HMCN1: variants seen among roughly 807,000 people sequenced by gnomAD.
HMCN1 encodes hemicentin-1.
In HMCN1, 321 loss-of-function variants were observed where a neutral mutation model predicts 625.9. That is an observed-to-expected ratio of 0.51 (90% CI 0.47 to 0.56). The LOEUF (loss-of-function observed/expected upper bound fraction) is 0.56. Among genes scored for constraint, HMCN1 ranks in the 20% least tolerant of loss-of-function variants. The pLI is 0.00. For synonymous variants in HMCN1, 2,425 were observed against 2,417.6 expected (o/e 1.00, Z -0.09); for missense variants, 6,588 against 6,887.3 (o/e 0.96, Z 1.54).
At chr1:186,040,831 TC>T (rs147806701) in intron 39 of HMCN1, among the ~76,000 whole-genome samples, 181 bp from the exon 40 acceptor site, 5,444 of 152,166 alleles carry the variant, frequency 0.036, 321 homozygotes, top group African/African-American at 0.12. Context: ...CCTCTTAACA[TC>T]CTTCCACTGA....
chr1:185,981,166 AC>A, intron 17 of HMCN1, 93 bp downstream of exon 17: 2 of 811,830 alleles, frequency 2.5e-6, no homozygotes, highest in Non-Finnish European at 2.2e-6. Context: ...TTAAAAAAAA[AC>A]AAAAGATAAA....
At chr1:186,028,479 C>T (rs4651290) in intron 36 of HMCN1, among the ~76,000 whole-genome samples, 98,338 of 152,044 alleles carry the variant, frequency 0.65, 33,432 homozygotes, top group African/African-American at 0.88. Flanking sequence ...GCTTTTAAAA[C>T]ATTTTTATAT....
chr1:185,922,541 C>G, intron 7 of HMCN1, 42 bp downstream of exon 7: 1 of 1,526,368 alleles, frequency 6.6e-7, no homozygotes. Flanking sequence ...AATAGATATC[C>G]AAATGAAAAA....
At chr1:185,749,579 C>T (rs144562215) in intron 1 of HMCN1, among the ~76,000 whole-genome samples, 32 of 152,250 alleles carry the variant, frequency 2.1e-4, no homozygotes, top group Non-Finnish European at 4.1e-4. Flanking sequence ...GGGACAAGGC[C>T]CTTTGAGATC....
chr1:185,843,831 G>A (rs1255400904), intron 1 of HMCN1, among the ~76,000 whole-genome samples: 1 of 152,046 alleles, frequency 6.6e-6, no homozygotes, highest in African/African-American at 2.4e-5. Context: ...TCCTATCTTT[G>A]TTGAAAACAG....
chr1:185,778,009 G>A, intron 1 of HMCN1, among the ~76,000 whole-genome samples: 1 of 152,182 alleles, frequency 6.6e-6, no homozygotes, highest in South Asian at 2.1e-4. Context: ...TTTGCCTAAA[G>A]GCCATTGAAA....
intron 11 of HMCN1, among the ~76,000 whole-genome samples, chr1:185,936,874 AG>A (rs2102502345): frequency 6.6e-6 from 1 of 152,328 alleles, no homozygotes; most frequent in South Asian, 2.1e-4. Flanking sequence ...AGAGCTGAAA[AG>A]GGGGTTCAGC....
intron 24 of HMCN1, among the ~76,000 whole-genome samples, chr1:185,995,990 G>T (rs950539032): frequency 6.6e-6 from 1 of 152,122 alleles, no homozygotes; most frequent in African/African-American, 2.4e-5. Flanking sequence ...TAAGGTACCT[G>T]GCCCATTGTA....
rs1650199825 is a variant in HMCN1 at position 185,963,764 on chromosome 1, A to G, written c.1971-4A>G. On this transcript the variant is annotated splice_polypyrimidine_tract_variant and splice_region_variant and intron_variant, in intron 12 of 106. Transcript: ENST00000271588. ...TTTATATTCTTTTTGTTTTTTATTC[A>G]TAGGTATAGGATGACCTCAGATGGT... The G allele has an allele frequency of 6.3e-7, 1 of 1,590,918 alleles. No homozygotes were observed. Among genetic ancestry groups the G allele is most frequent in the East Asian group, 2.2e-5 (1 of 44,634 alleles).
Position 186,129,984 on chromosome 1 carries a change from A to G in HMCN1, c.12923A>G (p.Asn4308Ser). The change falls in exon 84 of 107, where the codon AAT becomes AGT. Residue 4308 changes from asparagine (N) to serine (S), a missense_variant. Asn to Ser is a conservative substitution (Grantham distance 46). This residue lies in a region of HMCN1 where 1,954 missense variants were observed against 2,013.1 expected (regional missense o/e 0.97). Transcript: ENST00000271588. ...NIIPAHFDSV[N>S]GHSELVIERV... The stretch of plus-strand genomic sequence containing the variant: ...CCCTCAGCCCACTTTGACAGTGTGA[A>G]TGGACACAGTGAACTTGTTATTGAA... 1 of 1,613,054 alleles carries G rather than the reference A, an allele frequency of 6.2e-7. No homozygotes were observed.
Position 185,965,844 on chromosome 1 carries a change from C to T in HMCN1, c.2141C>T (p.Ala714Val), listed in dbSNP as rs1278238526. 6 of 1,612,514 alleles carry T rather than the reference C, an allele frequency of 3.7e-6. No individual in the cohort carries two copies. Among genetic ancestry groups the T allele is most frequent in the Non-Finnish European group, 1.7e-6 (2 of 1,178,852 alleles). Residue 714 changes from alanine to valine, a missense_variant, in exon 14 of 107, where the codon GCC (alanine) becomes GTC (valine). Ala to Val is a moderately conservative substitution (Grantham distance 64). Around this residue, in one of 3 missense-constraint regions of HMCN1, gnomAD observed 4,628 missense variants for 4,853.1 expected, o/e 0.95. Coordinates refer to ENST00000271588, the MANE Select transcript of HMCN1 (RefSeq NM_031935.3). ...GTAGTTCAGAGTGAGCTCTTGGTTG[C>T]CCTTGGGGATATAACCGTTATGGAA... ...LMVVQSELLV[A>V]LGDITVMECK... is the part of the protein sequence containing the mutation.
At position 185,880,972 on chromosome 1, in the gene HMCN1, T is replaced by C. The variant is rs114537775; in HGVS notation, c.621+15109T>C. 7.5e-3 allele frequency among the ~76,000 whole-genome samples: 1,136 copies of C among 152,330 alleles called. 8 individuals carry two copies. Among genetic ancestry groups the C allele is most frequent in the African/African-American group, 0.026 (1,086 of 41,582 alleles). ...TGTGCAGGAGCCAGAGCGAGTGCTT[T>C]TGGGCACCAGCAGGAGCAAAATCTT... is the stretch of plus-strand genomic sequence containing the variant. On this transcript the variant is annotated intron_variant, in intron 4 of 106. Transcript: ENST00000271588.
chr1:185,870,743 A>G (rs1167969834), intron 4 of HMCN1, among the ~76,000 whole-genome samples: 3 of 152,198 alleles, frequency 2.0e-5, no homozygotes, highest in Non-Finnish European at 4.4e-5. Flanking sequence ...CAAATGTACA[A>G]TTAAGCAATA....
At chr1:185,894,076 A>C (rs1033478024) in intron 4 of HMCN1, among the ~76,000 whole-genome samples, 17 of 152,130 alleles carry the variant, frequency 1.1e-4, no homozygotes. Context: ...CAGAGCTTGC[A>C]GTGAGCCAAG....
chr1:186,160,488 T>C (rs1651382136), intron 97 of HMCN1, among the ~76,000 whole-genome samples: 1 of 151,068 alleles, frequency 6.6e-6, no homozygotes, highest in African/African-American at 2.4e-5. Context: ...GCTCTTGCTT[T>C]TCTAATTCTT....
Position 186,044,115 on chromosome 1 carries a change from G to A in HMCN1, c.6305-1573G>A, listed in dbSNP as rs140614395. On this transcript the variant is annotated intron_variant, in intron 40 of 106. Transcript: ENST00000271588. Reference sequence around the variant, plus strand: ...AAAAGGAAAGAAAGTGGCACTAATTGTGCTCACTTTGCTATTTTTATAGTA... The same window carrying A: ...AAAAGGAAAGAAAGTGGCACTAATTATGCTCACTTTGCTATTTTTATAGTA... Among the ~76,000 whole-genome samples the A allele has an allele frequency of 2.0e-5, 3 of 152,198 alleles. No homozygotes were observed. The East Asian group carries it at 5.8e-4, about 29-fold the overall frequency.
chr1:186,117,041 A>C lies in HMCN1; in HGVS notation c.11609A>C (p.Asp3870Ala), dbSNP rs755838893. The C allele has an allele frequency of 2.5e-6, 4 of 1,613,468 alleles. No individual in the cohort carries two copies. The South Asian group carries it at 4.4e-5, about 18-fold the overall frequency. Residue 3870 changes from aspartate (D) to alanine (A), a missense_variant, in exon 76 of 107, where the codon GAC (aspartate) becomes GCC (alanine). Transcript: ENST00000271588. ...GTAATTATTTCCCCTTCTGTGGATGACACTGCAACCTATGAATGTACTGTG... is the reference window on the plus strand; with the variant it reads ...GTAATTATTTCCCCTTCTGTGGATGCCACTGCAACCTATGAATGTACTGTG... ...SLVIISPSVD[D>A]TATYECTVTN...
rs192132177 is a variant in HMCN1 at position 185,792,713 on chromosome 1, G to A, written c.269-53313G>A. 8.4e-4 allele frequency among the ~76,000 whole-genome samples: 128 copies of A among 152,236 alleles called. 1 individual carries two copies. The highest frequency in any genetic ancestry group is 3.0e-3 in the African/African-American group (123 of 41,530). On this transcript the variant is annotated intron_variant, in intron 1 of 106. Coordinates refer to ENST00000271588, the MANE Select transcript of HMCN1 (RefSeq NM_031935.3). ...GTTCCTACTGAGGAGTTTCCAGTTAGCTCACAATCGCTTCTTGGTCCTCCT... is the reference window on the plus strand; with the variant it reads ...GTTCCTACTGAGGAGTTTCCAGTTAACTCACAATCGCTTCTTGGTCCTCCT...
Position 186,187,863 on chromosome 1 carries a change from G to A in HMCN1, c.16415-20G>A. ...CTCACCCTCACTGCTGATGCTGCAT[G>A]TTCCCTGTGCTGTCCCTAGATATCG... On this transcript the variant is annotated intron_variant, in intron 105 of 106. Coordinates refer to ENST00000271588, the MANE Select transcript of HMCN1 (RefSeq NM_031935.3). 6.2e-7 allele frequency: 1 copy of A among 1,613,486 alleles called. No individual in the cohort carries two copies. Among genetic ancestry groups the A allele is most frequent in the Non-Finnish European group, 8.5e-7 (1 of 1,179,610 alleles).
Sources: allele counts gnomAD v4.1 joint callset (sites outside exome capture counted in the v4.1 genomes callset), GRCh38; gene constraint gnomAD v4.1.1; regional missense constraint gnomAD v4.1.1; transcripts MANE v1.5; gene names NCBI Gene and HGNC (gene_info 2026-07-23, HGNC 2026-07-21).